ANKRD31: variants seen among roughly 807,000 people sequenced by gnomAD.
The protein encoded by ANKRD31 is ankyrin repeat domain 31.
A neutral mutation model predicts 186.0 loss-of-function variants in ANKRD31; 147 were observed. The observed-to-expected ratio is 0.79, with a 90% confidence interval of 0.69 to 0.91. ANKRD31 has a LOEUF of 0.91. Ranked by LOEUF, ANKRD31 falls within the 40% of genes least tolerant of loss-of-function variation. ANKRD31 has a pLI of 0.00. For synonymous variants in ANKRD31, 673 were observed against 736.4 expected (o/e 0.91, Z 1.39); for missense variants, 1,986 against 2,148.8 (o/e 0.92, Z 1.50).
chr5:75,191,917 A>T (rs1405292539), intron 9 of ANKRD31, among the ~76,000 whole-genome samples: 2 of 152,116 alleles, frequency 1.3e-5, no homozygotes, highest in African/African-American at 4.8e-5. Context: ...CTTTTGAAAT[A>T]ATCTCAGACT....
At chr5:75,166,248 T>C (rs980465458) in intron 11 of ANKRD31, among the ~76,000 whole-genome samples, 1 of 152,144 alleles carries the variant, frequency 6.6e-6, no homozygotes, top group Non-Finnish European at 1.5e-5. Context: ...GGCGGGCGGA[T>C]CACTTGAGGC....
At chr5:75,203,493 G>C (rs1490003128) in intron 5 of ANKRD31, among the ~76,000 whole-genome samples, 3 of 151,556 alleles carry the variant, frequency 2.0e-5, no homozygotes, top group African/African-American at 7.3e-5. Flanking sequence ...GTGAAACCCT[G>C]TCTCTAAAAA....
At chr5:75,122,150 C>A (rs1347787717) in intron 17 of ANKRD31, among the ~76,000 whole-genome samples, 1 of 151,502 alleles carries the variant, frequency 6.6e-6, no homozygotes, top group Non-Finnish European at 1.5e-5. Flanking sequence ...CACAGAGATA[C>A]AAAAGATCAT....
chr5:75,114,792 T>C (rs1298452729), intron 19 of ANKRD31, among the ~76,000 whole-genome samples: 1 of 152,172 alleles, frequency 6.6e-6, no homozygotes, highest in Non-Finnish European at 1.5e-5. Context: ...TCCATGCTCA[T>C]GGATAGGAAG....
At position 75,203,338 on chromosome 5, in the gene ANKRD31, T is replaced by C. The variant is rs78596126; in HGVS notation, c.403+3073A>G. Among the ~76,000 whole-genome samples, 160 of 152,066 alleles carry C rather than the reference T, an allele frequency of 1.1e-3. 1 individual carries two copies. The highest frequency in any genetic ancestry group is 3.5e-3 in the African/African-American group (147 of 41,500). On this transcript the variant is annotated intron_variant, in intron 5 of 25. Coordinates refer to ENST00000506364, the MANE Select transcript of ANKRD31 (RefSeq NM_001372053.1). ...TGAGAAAAATAAAAATACATTTTTG[T>C]GTAAGTATTGATGACACCTGTTATA... is the stretch of plus-strand genomic sequence containing the variant.
intron 11 of ANKRD31, among the ~76,000 whole-genome samples, chr5:75,166,439 C>A (rs1479223675): frequency 2.0e-5 from 3 of 152,162 alleles, no homozygotes; most frequent in African/African-American, 7.2e-5. Context: ...CCACTACACT[C>A]CAGCCTGGGT....
Position 75,104,276 on chromosome 5 carries a change from T to C in ANKRD31, c.5283A>G (p.Leu1761=). The C allele has an allele frequency of 1.3e-6, 2 of 1,532,016 alleles. No homozygotes were observed. The highest frequency in any genetic ancestry group is 1.7e-6 in the Non-Finnish European group (2 of 1,144,374). The allele number at this position is 1,532,016 out of a possible 1,614,324, so 94.9% of individuals were successfully genotyped here. The change falls in exon 22 of 26, where the codon TTA becomes TTG. Residue 1761 remains leucine (L), a synonymous_variant. Coordinates refer to ENST00000506364, the MANE Select transcript of ANKRD31 (RefSeq NM_001372053.1). The part of the protein sequence containing the change: ...KKCIQIKDLI[L]LGRINPGNNI... Reference sequence around the variant, plus strand: ...TATTTCCTGGGTTAATTCTTCCTAGTAATATCAAATCTTTTATCTGAATAC... The same window carrying C: ...TATTTCCTGGGTTAATTCTTCCTAGCAATATCAAATCTTTTATCTGAATAC...
In ANKRD31 at chr5:75,149,413, C is replaced by A. The variant is rs531628245; in HGVS notation, c.1853-785G>T. 1.2e-4 allele frequency among the ~76,000 whole-genome samples: 18 copies of A among 151,860 alleles called. No homozygotes were observed. The South Asian group carries it at 3.3e-3, about 28-fold the overall frequency. On this transcript the variant is annotated intron_variant, in intron 12 of 25. Coordinates refer to ENST00000506364, the MANE Select transcript of ANKRD31 (RefSeq NM_001372053.1). ...ATGAGGATGTAATTCAAAAACAGAG[C>A]AATTTAATTTATTTCTTGGGGATAA...
chr5:75,104,118 G>T, intron 22 of ANKRD31, 110 bp downstream of exon 22: 1 of 970,108 alleles, frequency 1.0e-6, no homozygotes, highest in African/African-American at 1.7e-5. Flanking sequence ...AGGAAGCTCA[G>T]CAAAACCCCA....
At chr5:75,083,097 G>T (rs1745210596) in intron 24 of ANKRD31, among the ~76,000 whole-genome samples, 1 of 152,172 alleles carries the variant, frequency 6.6e-6, no homozygotes, top group Non-Finnish European at 1.5e-5. Context: ...ATTGGCCCAA[G>T]TCTAAACATG....
chr5:75,204,750 A>C (rs1756043304), intron 5 of ANKRD31, among the ~76,000 whole-genome samples: 2 of 152,154 alleles, frequency 1.3e-5, no homozygotes, highest in Admixed American at 1.3e-4. Flanking sequence ...TCCTTGGTAC[A>C]ATTCTTACTT....
At chr5:75,107,167 G>A (rs143582223) in intron 21 of ANKRD31, among the ~76,000 whole-genome samples, 1,786 of 152,046 alleles carry the variant, frequency 0.012, 19 homozygotes, top group Non-Finnish European at 0.019. Flanking sequence ...TTAGAAGGAC[G>A]TTTGTGACAG....
chr5:75,169,891 T>C (rs987468315), intron 10 of ANKRD31, among the ~76,000 whole-genome samples: 1 of 152,124 alleles, frequency 6.6e-6, no homozygotes, highest in East Asian at 1.9e-4. Context: ...TAGAAACTCC[T>C]ATCCTAGTTC....
intron 19 of ANKRD31, among the ~76,000 whole-genome samples, 162 bp downstream of exon 19, chr5:75,116,404 T>C (rs2150079463): frequency 6.6e-6 from 1 of 151,750 alleles, no homozygotes; most frequent in African/African-American, 2.4e-5. Flanking sequence ...AAACTTAAAG[T>C]ATAATAATAA....
chr5:75,198,974 G>A (rs1291469667), intron 6 of ANKRD31, among the ~76,000 whole-genome samples: 1 of 152,152 alleles, frequency 6.6e-6, no homozygotes, highest in Non-Finnish European at 1.5e-5. Context: ...AAAGTGTAAG[G>A]TGTGGCTGAG....
chr5:75,104,891 G>A lies in ANKRD31; in HGVS notation c.4668C>T (p.Asn1556=), dbSNP rs1300934524. 1 of 1,537,196 alleles carries A rather than the reference G, an allele frequency of 6.5e-7. No homozygotes were observed. Among genetic ancestry groups the A allele is most frequent in the Middle Eastern group, 1.7e-4 (1 of 5,990 alleles). ...TCACTGCCTCTGAATTTAGACAAAT[G>A]TTGGTATTTTGGCTGTAGTTCCAAG... ...LETWNYSQNT[N]ICLNSEAVRR... is the part of the protein sequence containing the mutation. Residue 1556 remains asparagine, a synonymous_variant, in exon 22 of 26, where the codon AAC becomes AAT. Coordinates refer to ENST00000506364, the MANE Select transcript of ANKRD31 (RefSeq NM_001372053.1).
At chr5:75,214,241 G>T (rs1056572748) in intron 3 of ANKRD31, among the ~76,000 whole-genome samples, 1 of 152,150 alleles carries the variant, frequency 6.6e-6, no homozygotes, top group African/African-American at 2.4e-5. Context: ...TTTAACCACT[G>T]AATGAGAATT....
intron 21 of ANKRD31, among the ~76,000 whole-genome samples, 173 bp downstream of exon 21, chr5:75,107,348 T>C (rs1441887939): frequency 6.6e-6 from 1 of 151,968 alleles, no homozygotes; most frequent in Non-Finnish European, 1.5e-5. Flanking sequence ...GAAAAATACC[T>C]TTCTGGGAAG....
intron 17 of ANKRD31, among the ~76,000 whole-genome samples, chr5:75,120,616 C>T (rs1748686784): frequency 6.6e-6 from 1 of 152,000 alleles, no homozygotes; most frequent in African/African-American, 2.4e-5. Flanking sequence ...TAAGGATAAC[C>T]TCTTAGTTTT....
Sources: allele counts gnomAD v4.1 joint callset (sites outside exome capture counted in the v4.1 genomes callset), GRCh38; gene constraint gnomAD v4.1.1; transcripts MANE v1.5; gene names NCBI Gene and HGNC (gene_info 2026-07-23, HGNC 2026-07-21).